Variants in NEO1 observed in about 807,000 individuals in gnomAD.
The protein encoded by NEO1 is neogenin.
NEO1 carries 63 observed loss-of-function variants against 159.7 expected under a neutral mutation model. The observed-to-expected ratio is 0.39, with a 90% CI of 0.32 to 0.49. The LOEUF is 0.49. Among genes scored for constraint, NEO1 ranks in the 20% least tolerant of loss-of-function variants. The pLI, the probability that NEO1 is intolerant of heterozygous loss-of-function variation, is 0.85. For synonymous variants in NEO1, 633 were observed against 662.0 expected, an observed-to-expected ratio of 0.96 and a Z score of 0.67; for missense variants, 1,615 against 1,831.0, an observed-to-expected ratio of 0.88 and a Z score of 2.15.
At chr15:73,085,096 T>C (rs1434642340) in intron 1 of NEO1, among the ~76,000 whole-genome samples, 1 of 74,300 alleles carries the variant, frequency 1.3e-5, no homozygotes, top group African/African-American at 3.0e-5. Flanking sequence ...GTTAAAAAAG[T>C]TTTTTTTTAA....
chr15:73,093,961 C>T (rs2069848568), intron 1 of NEO1, among the ~76,000 whole-genome samples: 3 of 152,098 alleles, frequency 2.0e-5, no homozygotes, highest in Admixed American at 1.3e-4. Context: ...TTTAGCACTT[C>T]CTTACCTTTG....
At chr15:73,112,117 C>T (rs907086679) in intron 1 of NEO1, among the ~76,000 whole-genome samples, 23 of 152,046 alleles carry the variant, frequency 1.5e-4, no homozygotes, top group Non-Finnish European at 3.4e-4. Flanking sequence ...TAATCATATA[C>T]ATATGAAATT....
chr15:73,061,489 G>T (rs1056098167), intron 1 of NEO1, among the ~76,000 whole-genome samples: 13 of 152,206 alleles, frequency 8.5e-5, no homozygotes, highest in Non-Finnish European at 1.5e-5. Flanking sequence ...AAGAAAGGAA[G>T]TGTGACCAGG....
At chr15:73,088,829 G>A (rs2069513252) in intron 1 of NEO1, among the ~76,000 whole-genome samples, 1 of 152,032 alleles carries the variant, frequency 6.6e-6, no homozygotes, top group African/African-American at 2.4e-5. Context: ...AATTGGGCGT[G>A]AAATAGAGAA....
chr15:73,252,898 G>A (rs186954530), intron 11 of NEO1, among the ~76,000 whole-genome samples: 233 of 152,274 alleles, frequency 1.5e-3, no homozygotes, highest in African/African-American at 5.3e-3. Context: ...GCTGAGGCAG[G>A]AGAATCGCTT....
At chr15:73,286,600 C>T (rs1382038064) in intron 23 of NEO1, among the ~76,000 whole-genome samples, 1 of 152,228 alleles carries the variant, frequency 6.6e-6, no homozygotes, top group Non-Finnish European at 1.5e-5. Context: ...GACTTGCACA[C>T]ACAGTTGCCT....
chr15:73,236,241 C>T (rs779068171), intron 7 of NEO1, 106 bp from the exon 8 acceptor site: 36 of 1,462,622 alleles, frequency 2.5e-5, no homozygotes, highest in East Asian at 1.4e-4. Context: ...TTTTTAAAAC[C>T]GTCGTGGTTT....
intron 16 of NEO1, 133 bp from the exon 17 acceptor site, chr15:73,269,877 A>T: frequency 4.1e-6 from 3 of 737,346 alleles, no homozygotes; most frequent in Non-Finnish European, 6.9e-6. Flanking sequence ...GTGGTTATCT[A>T]TTAACTCTGA....
rs2039970550 is a variant in NEO1 at position 73,249,642 on chromosome 15, T to C, written c.1815T>C (p.Tyr605=). 3 of 1,613,756 alleles carry C rather than the reference T, an allele frequency of 1.9e-6. No individual in the cohort carries two copies. The South Asian group carries it at 3.3e-5, about 18-fold the overall frequency. Residue 605 remains tyrosine (Y), a synonymous_variant, in exon 11 of 29, where the codon TAT becomes TAC. Transcript: ENST00000261908. ...TINGLKKYTE[Y]SFRVVAYNKH... is the part of the protein sequence containing the mutation. ...ATGGGTTGAAAAAATATACAGAGTA[T>C]AGTTTCCGAGTGGTGGCCTACAATA... is the stretch of plus-strand genomic sequence containing the variant.
At chr15:73,090,583 T>C (rs1261796244) in intron 1 of NEO1, among the ~76,000 whole-genome samples, 3 of 152,226 alleles carry the variant, frequency 2.0e-5, no homozygotes, top group Non-Finnish European at 4.4e-5. Context: ...GCAGATGCTA[T>C]AATTTTTAAC....
intron 5 of NEO1, among the ~76,000 whole-genome samples, chr15:73,163,291 T>G (rs2034321592): frequency 6.6e-6 from 1 of 152,226 alleles, no homozygotes; most frequent in African/African-American, 2.4e-5. Context: ...TTTATTTTTC[T>G]TTTAAAAATT....
At chr15:73,294,306 C>T (rs1052656471) in intron 26 of NEO1, among the ~76,000 whole-genome samples, 2 of 152,122 alleles carry the variant, frequency 1.3e-5, no homozygotes, top group Non-Finnish European at 2.9e-5. Flanking sequence ...AATTTTCATC[C>T]TCAGTTTTAA....
chr15:73,241,885 C>T (rs530988458), intron 8 of NEO1, among the ~76,000 whole-genome samples: 9 of 152,196 alleles, frequency 5.9e-5, no homozygotes, highest in African/African-American at 2.2e-4. Context: ...TAGTAACCTT[C>T]ACTTATTTCT....
chr15:73,134,109 A>G (rs1401803646), intron 4 of NEO1, among the ~76,000 whole-genome samples: 2 of 152,214 alleles, frequency 1.3e-5, no homozygotes, highest in Non-Finnish European at 2.9e-5. Context: ...TTATCCAGGT[A>G]TAAAATGTAG....
chr15:73,224,362 T>A (rs1034053042), intron 7 of NEO1, among the ~76,000 whole-genome samples: 2 of 152,228 alleles, frequency 1.3e-5, no homozygotes, highest in East Asian at 3.8e-4. Flanking sequence ...AGGTCTCTAG[T>A]AAGGCCAAAG....
At chr15:73,183,776 C>T (rs1262012970) in intron 7 of NEO1, among the ~76,000 whole-genome samples, 14 of 152,132 alleles carry the variant, frequency 9.2e-5, no homozygotes, top group Admixed American at 8.5e-4. Context: ...GAGAGAGAAA[C>T]TCTCTGGCTC....
intron 1 of NEO1, among the ~76,000 whole-genome samples, chr15:73,113,042 G>A (rs1292752240): frequency 1.3e-5 from 2 of 152,032 alleles, no homozygotes; most frequent in Non-Finnish European, 2.9e-5. Context: ...CTGTTTGGGG[G>A]CTTTATAGCC....
chr15:73,239,025 T>A (rs2039349898), intron 8 of NEO1, among the ~76,000 whole-genome samples: 1 of 151,972 alleles, frequency 6.6e-6, no homozygotes, highest in African/African-American at 2.4e-5. Flanking sequence ...ATTTTTGTAT[T>A]TTTAGTAGAG....
At chr15:73,258,396 T>A (rs2040466079) in intron 13 of NEO1, among the ~76,000 whole-genome samples, 1 of 152,218 alleles carries the variant, frequency 6.6e-6, no homozygotes, top group Admixed American at 6.5e-5. Context: ...CTTTGTTCCT[T>A]TTTTATAACT....
Sources: gnomAD v4.1 joint callset for allele counts (sites outside exome capture counted in the v4.1 genomes callset) on GRCh38, gnomAD v4.1.1 for gene constraint, MANE v1.5 for transcripts, NCBI Gene and HGNC (gene_info 2026-07-23, HGNC 2026-07-21) for gene names.